The following TMEM163 variants were observed in gnomAD, a reference collection of about 807,000 sequenced individuals.
TMEM163 encodes the protein transmembrane protein 163.
In TMEM163, 17 loss-of-function variants were observed where a neutral mutation model predicts 29.3. That is an observed-to-expected ratio of 0.58 (90% CI 0.40 to 0.87). The LOEUF is 0.87. Ranked by LOEUF, TMEM163 falls within the 40% of genes least tolerant of loss-of-function variation. TMEM163 has a pLI of 0.00. For synonymous variants in TMEM163, 157 were observed against 160.6 expected, an observed-to-expected ratio of 0.98 and a Z score of 0.17; for missense variants, 303 against 381.5, an observed-to-expected ratio of 0.79 and a Z score of 1.71.
chr2:134,644,713 G>A (rs1407189676), intron 2 of TMEM163, among the ~76,000 whole-genome samples: 1 of 152,076 alleles, frequency 6.6e-6, no homozygotes, highest in South Asian at 2.1e-4. Flanking sequence ...GTTAGGCAAA[G>A]AGTTTTTAGA....
intron 2 of TMEM163, among the ~76,000 whole-genome samples, chr2:134,689,846 C>A (rs981673985): frequency 5.9e-5 from 9 of 152,172 alleles, no homozygotes; most frequent in Non-Finnish European, 1.0e-4. Context: ...AGGTCCCCAT[C>A]AAAAATGTGG....
At chr2:134,464,205 G>A (rs916172494) in intron 6 of TMEM163, among the ~76,000 whole-genome samples, 5 of 152,176 alleles carry the variant, frequency 3.3e-5, no homozygotes, top group African/African-American at 4.8e-5. Flanking sequence ...CTGAGCTGCT[G>A]GTCACATGGC....
chr2:134,545,093 C>A (rs911544432), intron 4 of TMEM163, among the ~76,000 whole-genome samples: 1 of 152,172 alleles, frequency 6.6e-6, no homozygotes, highest in Non-Finnish European at 1.5e-5. Context: ...TGAGAAAAAA[C>A]CACACATGCT....
intron 5 of TMEM163, among the ~76,000 whole-genome samples, chr2:134,482,006 G>C (rs930205950): frequency 1.3e-5 from 2 of 152,154 alleles, no homozygotes; most frequent in African/African-American, 4.8e-5. Context: ...CCAAAATGGA[G>C]GTGGCGGTGA....
At chr2:134,717,613 T>C (rs1184983482) in intron 1 of TMEM163, among the ~76,000 whole-genome samples, 1 of 152,086 alleles carries the variant, frequency 6.6e-6, no homozygotes, top group African/African-American at 2.4e-5. Flanking sequence ...GTCTAAAATA[T>C]ATAAACCCGC....
chr2:134,604,324 G>A (rs1304173075), intron 2 of TMEM163, among the ~76,000 whole-genome samples: 1 of 151,984 alleles, frequency 6.6e-6, no homozygotes, highest in Non-Finnish European at 1.5e-5. Context: ...ATGGAATAGA[G>A]CAGGGAAAGA....
At chr2:134,483,594 C>T (rs1016977815) in intron 5 of TMEM163, among the ~76,000 whole-genome samples, 1 of 152,238 alleles carries the variant, frequency 6.6e-6, no homozygotes, top group Non-Finnish European at 1.5e-5. Context: ...ATAACTGTCA[C>T]AAGACCCCTG....
At chr2:134,665,667 A>ACACCACCACCC (rs1269793036) in intron 2 of TMEM163, among the ~76,000 whole-genome samples, 1 of 152,026 alleles carries the variant, frequency 6.6e-6, no homozygotes, top group Non-Finnish European at 1.5e-5. Flanking sequence ...CCTTCACTTT[A>ACACCACCACCC]ACTCATACAG....
At chr2:134,555,412 CAT>C (rs1292213955) in intron 2 of TMEM163, among the ~76,000 whole-genome samples, 2 of 152,194 alleles carry the variant, frequency 1.3e-5, no homozygotes, top group East Asian at 3.9e-4. Flanking sequence ...GCTCCATGCA[CAT>C]GTGGCTGAGT....
intron 4 of TMEM163, among the ~76,000 whole-genome samples, chr2:134,542,874 T>C (rs1680706113): frequency 6.6e-6 from 1 of 152,204 alleles, no homozygotes; most frequent in Non-Finnish European, 1.5e-5. Flanking sequence ...TTCTTTGGCC[T>C]GTAGATGCAT....
intron 7 of TMEM163, 133 bp downstream of exon 7, chr2:134,457,899 C>T: frequency 7.0e-7 from 1 of 1,424,900 alleles, no homozygotes; most frequent in Non-Finnish European, 9.6e-7. Flanking sequence ...TCACCTGACA[C>T]TGGTCAGGCT....
At chr2:134,652,082 A>G (rs1683492977) in intron 2 of TMEM163, among the ~76,000 whole-genome samples, 1 of 141,190 alleles carries the variant, frequency 7.1e-6, no homozygotes, top group African/African-American at 3.0e-5. Context: ...TTCTGTGAGG[A>G]AAGTCATTGG....
chr2:134,701,018 T>A (rs1684691590), intron 2 of TMEM163, among the ~76,000 whole-genome samples: 1 of 151,424 alleles, frequency 6.6e-6, no homozygotes, highest in Admixed American at 6.6e-5. Flanking sequence ...GAAAACTAGA[T>A]GAATGCAGAT....
intron 4 of TMEM163, among the ~76,000 whole-genome samples, chr2:134,540,599 T>A (rs913519448): frequency 6.6e-6 from 1 of 152,184 alleles, no homozygotes; most frequent in Non-Finnish European, 1.5e-5. Context: ...AATGACCATT[T>A]GGAGAGATAG....
At chr2:134,553,456 T>TA (rs762854482) in intron 2 of TMEM163, among the ~76,000 whole-genome samples, 9 of 152,176 alleles carry the variant, frequency 5.9e-5, no homozygotes, top group Non-Finnish European at 1.3e-4. Context: ...TCAATCTATG[T>TA]GGTTAGAACA....
chr2:134,605,958 C>G (rs565047921), intron 2 of TMEM163, among the ~76,000 whole-genome samples: 71 of 152,210 alleles, frequency 4.7e-4, no homozygotes, highest in African/African-American at 1.5e-3. Context: ...AAATTGATAA[C>G]AGAAGTCCCC....
intron 2 of TMEM163, among the ~76,000 whole-genome samples, chr2:134,644,276 GGGAAAGCCAAC>G (rs1417906389): frequency 3.3e-5 from 5 of 151,930 alleles, no homozygotes; most frequent in African/African-American, 1.2e-4. Context: ...AAAATTCTTA[GGGAAAGCCAAC>G]GGAACTAGAA....
At chr2:134,532,805 T>C (rs1475666276) in intron 4 of TMEM163, among the ~76,000 whole-genome samples, 6 of 152,160 alleles carry the variant, frequency 3.9e-5, no homozygotes, top group Admixed American at 3.9e-4. Flanking sequence ...CCCACATATG[T>C]TCCTCATTGT....
intron 2 of TMEM163, among the ~76,000 whole-genome samples, chr2:134,684,608 A>G (rs1274439099): frequency 3.3e-5 from 5 of 152,160 alleles, no homozygotes; most frequent in African/African-American, 1.2e-4. Context: ...CCACACCCTC[A>G]GTGTTTTGGG....
Sources: gnomAD v4.1 joint callset for allele counts (sites outside exome capture counted in the v4.1 genomes callset) on GRCh38, gnomAD v4.1.1 for gene constraint, MANE v1.5 for transcripts, NCBI Gene and HGNC (gene_info 2026-07-23, HGNC 2026-07-21) for gene names.